Variants in CTBP2 observed in about 807,000 individuals in gnomAD.
CTBP2 encodes the protein C-terminal binding protein 2.
CTBP2 carries 30 observed loss-of-function variants against 80.3 expected under a neutral mutation model. The observed-to-expected ratio is 0.37, with a 90% CI of 0.28 to 0.51. The LOEUF (loss-of-function observed/expected upper bound fraction) is 0.51. CTBP2 is among the 20% of genes least tolerant of loss of function. CTBP2 has a pLI of 0.93. For missense variants in CTBP2, 1,212 were observed against 1,375.3 expected, an observed-to-expected ratio of 0.88 and a Z score of 1.88; for synonymous variants, 594 against 587.4, an observed-to-expected ratio of 1.01 and a Z score of -0.16.
rs112483963 is a variant in CTBP2 at position 125,017,850 on chromosome 10, C to T, written c.1678+8232G>A. Among the ~76,000 whole-genome samples, 118 of 152,256 alleles carry T rather than the reference C, an allele frequency of 7.8e-4. 2 individuals carry two copies. Among genetic ancestry groups the T allele is most frequent in the African/African-American group, 2.0e-3 (85 of 41,546 alleles). On this transcript the variant is annotated intron_variant, in intron 1 of 8. Transcript: ENST00000309035. The stretch of plus-strand genomic sequence containing the variant: ...CCATGCACACAGCTCCGGTGTGATG[C>T]GGTTCTCAGAGCCGTGGGGGGCAGG...
At chr10:125,076,646 C>T (rs1051577437) in intron 2 of CTBP2, among the ~76,000 whole-genome samples, 2 of 152,202 alleles carry the variant, frequency 1.3e-5, no homozygotes, top group South Asian at 2.1e-4. Context: ...ACCGACCTGA[C>T]GTGGAAGACA....
At chr10:125,145,962 T>C (rs111344131) in intron 1 of CTBP2, among the ~76,000 whole-genome samples, 5,244 of 152,052 alleles carry the variant, frequency 0.034, 255 homozygotes, top group African/African-American at 0.12. Flanking sequence ...TTGCTTTTGT[T>C]GCCCACGCTG....
At chr10:125,152,165 G>A (rs1162037612) in intron 1 of CTBP2, among the ~76,000 whole-genome samples, 2 of 152,116 alleles carry the variant, frequency 1.3e-5, no homozygotes, top group Non-Finnish European at 2.9e-5. Flanking sequence ...TCCACCCGCC[G>A]GGAGGAGAGG....
intron 1 of CTBP2, among the ~76,000 whole-genome samples, chr10:125,008,113 A>G (rs1229414073): frequency 6.6e-6 from 1 of 152,088 alleles, no homozygotes; most frequent in Non-Finnish European, 1.5e-5. Flanking sequence ...TGCCTGGCTA[A>G]TTTTGTATTT....
chr10:125,140,604 C>T (rs927657388), intron 1 of CTBP2, among the ~76,000 whole-genome samples: 10 of 152,284 alleles, frequency 6.6e-5, no homozygotes, highest in African/African-American at 2.2e-4. Context: ...GGGTGGATCA[C>T]CTGAGGTCAG....
chr10:125,124,305 G>C (rs189860689), intron 1 of CTBP2, among the ~76,000 whole-genome samples: 68 of 152,292 alleles, frequency 4.5e-4, no homozygotes, highest in African/African-American at 1.6e-3. Flanking sequence ...TTTAGGAAGG[G>C]CTGGCATACT....
chr10:125,092,513 C>A (rs760126507), intron 2 of CTBP2, among the ~76,000 whole-genome samples: 1 of 152,216 alleles, frequency 6.6e-6, no homozygotes, highest in Non-Finnish European at 1.5e-5. Context: ...TGGATTACTT[C>A]ATAGTCACAA....
chr10:125,047,477 C>A (rs1324101637), intron 2 of CTBP2, among the ~76,000 whole-genome samples: 1 of 152,138 alleles, frequency 6.6e-6, no homozygotes, highest in African/African-American at 2.4e-5. Context: ...TGGGCACACA[C>A]AATACAATTG....
At chr10:125,067,186 C>G (rs1291667127) in intron 2 of CTBP2, among the ~76,000 whole-genome samples, 1 of 152,178 alleles carries the variant, frequency 6.6e-6, no homozygotes, top group Admixed American at 6.5e-5. Context: ...AAAAACATCA[C>G]ACAAACTGCA....
In CTBP2 at chr10:125,027,815, C is replaced by T; in HGVS notation, c.-56G>A. ...GGAGAAGCTTTTCTTTATAAATCTT[C>T]AATTACATACATCAAAAACAGACCT... On this transcript the variant is annotated 5_prime_UTR_variant, in exon 1 of 9. Coordinates refer to ENST00000309035, the MANE Select transcript of CTBP2 (RefSeq NM_022802.3). The T allele has an allele frequency of 6.9e-7, 1 of 1,455,682 alleles. No homozygotes were observed. The highest frequency in any genetic ancestry group is 9.0e-7 in the Non-Finnish European group (1 of 1,106,930). 90.2% of individuals were successfully genotyped at this position (1,455,682 alleles called of 1,614,324 possible).
intron 2 of CTBP2, among the ~76,000 whole-genome samples, chr10:125,093,502 CTT>C (rs1849090952): frequency 6.6e-6 from 1 of 152,210 alleles, no homozygotes; most frequent in South Asian, 2.1e-4. Context: ...ACCCACGACA[CTT>C]TGTTTAATTC....
chr10:125,086,949 C>A (rs761542375), intron 2 of CTBP2, among the ~76,000 whole-genome samples: 87 of 152,140 alleles, frequency 5.7e-4, no homozygotes, highest in Non-Finnish European at 5.6e-4. Flanking sequence ...CAGTCCACGA[C>A]ACACACGTGC....
chr10:125,124,284 G>A (rs1377817879), intron 1 of CTBP2, among the ~76,000 whole-genome samples: 2 of 152,092 alleles, frequency 1.3e-5, no homozygotes, highest in Non-Finnish European at 2.9e-5. Flanking sequence ...GGCCTCCCCT[G>A]CTGCCTCCCT....
chr10:125,053,632 G>T (rs939697258), intron 2 of CTBP2, among the ~76,000 whole-genome samples: 3 of 152,198 alleles, frequency 2.0e-5, no homozygotes, highest in Non-Finnish European at 2.9e-5. Flanking sequence ...GAAGGTCTGA[G>T]GTTAGACCCT....
intron 1 of CTBP2, among the ~76,000 whole-genome samples, chr10:125,138,922 C>G (rs1324978962): frequency 6.6e-6 from 1 of 152,214 alleles, no homozygotes; most frequent in African/African-American, 2.4e-5. Context: ...CATACAGCAG[C>G]TGCCAAAGAG....
chr10:124,993,350 C>G (rs373076254), intron 6 of CTBP2, 21 bp from the exon 9 acceptor site: 3 of 1,602,756 alleles, frequency 1.9e-6, no homozygotes, highest in Admixed American at 1.7e-5. Context: ...GTAGAAAAAA[C>G]AGAGTAAGCG....
At chr10:125,071,877 C>T (rs755152680) in intron 2 of CTBP2, among the ~76,000 whole-genome samples, 7 of 152,086 alleles carry the variant, frequency 4.6e-5, no homozygotes, top group East Asian at 3.9e-4. Flanking sequence ...AAGCAGGAAA[C>T]GGAATCTGGC....
At chr10:125,115,610 GTCA>G (rs1173916204) in intron 1 of CTBP2, among the ~76,000 whole-genome samples, 1 of 152,198 alleles carries the variant, frequency 6.6e-6, no homozygotes, top group Non-Finnish European at 1.5e-5. Context: ...ATAACTGTGT[GTCA>G]TCATCAGACT....
chr10:125,048,590 A>G (rs1283198882), intron 2 of CTBP2, among the ~76,000 whole-genome samples: 2 of 152,136 alleles, frequency 1.3e-5, no homozygotes, highest in Admixed American at 1.3e-4. Flanking sequence ...GACTGGAGGT[A>G]CAGGCCAAGA....
Sources: allele counts gnomAD v4.1 joint callset (sites outside exome capture counted in the v4.1 genomes callset), GRCh38; gene constraint gnomAD v4.1.1; transcripts MANE v1.5; gene names NCBI Gene and HGNC (gene_info 2026-07-23, HGNC 2026-07-21).